Variants in PARD3 observed in about 807,000 individuals in gnomAD.
PARD3 encodes par-3 family cell polarity regulator, also known as partitioning defective 3 homolog.
A neutral mutation model predicts 155.4 loss-of-function variants in PARD3; 75 were observed. The observed-to-expected ratio is 0.48, with a 90% CI of 0.40 to 0.58. The LOEUF is 0.58. Ranked by LOEUF, PARD3 falls within the 20% of genes least tolerant of loss-of-function variation. The probability of loss-of-function intolerance (pLI) is 0.00; values close to 1 mark genes in which losing one functional copy is unlikely to be tolerated. For missense variants in PARD3, 1,642 were observed against 1,721.7 expected (o/e 0.95, Z 0.82); for synonymous variants, 576 against 610.5 (o/e 0.94, Z 0.83).
intron 7 of PARD3, 49 bp downstream of exon 7, chr10:34,399,281 T>A: frequency 8.8e-7 from 1 of 1,138,750 alleles, no homozygotes; most frequent in Non-Finnish European, 1.3e-6. Flanking sequence ...TAAATGAAGA[T>A]AAAACACTCT....
intron 2 of PARD3, among the ~76,000 whole-genome samples, chr10:34,650,255 T>C (rs920722730): frequency 6.6e-6 from 1 of 152,040 alleles, no homozygotes; most frequent in African/African-American, 2.4e-5. Flanking sequence ...GCACAGTAGG[T>C]TTCTTCACAG....
chr10:34,323,364 G>T (rs561698287), intron 19 of PARD3, among the ~76,000 whole-genome samples: 7 of 151,412 alleles, frequency 4.6e-5, no homozygotes, highest in Non-Finnish European at 7.4e-5. Flanking sequence ...CACAAAGCTG[G>T]CATGAAACAG....
intron 2 of PARD3, among the ~76,000 whole-genome samples, chr10:34,682,740 A>T (rs972065417): frequency 6.6e-6 from 1 of 152,090 alleles, no homozygotes; most frequent in Non-Finnish European, 1.5e-5. Context: ...AACAAACAAA[A>T]AGCCAGGCAT....
At chr10:34,539,220 T>C (rs1311701787) in intron 2 of PARD3, among the ~76,000 whole-genome samples, 3 of 152,218 alleles carry the variant, frequency 2.0e-5, no homozygotes, top group Admixed American at 1.3e-4. Context: ...AGGTAAAGTA[T>C]TGTGGTGCTC....
At chr10:34,813,260 C>T (rs1844430974) in intron 1 of PARD3, among the ~76,000 whole-genome samples, 1 of 152,222 alleles carries the variant, frequency 6.6e-6, no homozygotes, top group African/African-American at 2.4e-5. Flanking sequence ...TGACCACCCT[C>T]TTCCTATTCA....
At chr10:34,206,257 G>A (rs754486660) in intron 22 of PARD3, among the ~76,000 whole-genome samples, 1 of 152,182 alleles carries the variant, frequency 6.6e-6, no homozygotes, top group African/African-American at 2.4e-5. Flanking sequence ...GGGCTCTAGC[G>A]CCCCTAGCTA....
At chr10:34,205,583 G>T (rs1054382178) in intron 22 of PARD3, among the ~76,000 whole-genome samples, 60 of 152,262 alleles carry the variant, frequency 3.9e-4, no homozygotes, top group African/African-American at 1.4e-3. Context: ...CTTGAATTTT[G>T]AAAGAAGAAT....
chr10:34,520,593 GAC>G (rs2082084726), intron 2 of PARD3, among the ~76,000 whole-genome samples: 1 of 152,128 alleles, frequency 6.6e-6, no homozygotes, highest in East Asian at 1.9e-4. Context: ...AAAAGAATAA[GAC>G]AGTAAATATT....
chr10:34,426,848 G>T, intron 5 of PARD3: 1 of 152,360 alleles, frequency 6.6e-6, no homozygotes, highest in South Asian at 2.0e-4. Context: ...CATGGCAGAA[G>T]AACATAAATT....
chr10:34,219,561 T>C (rs1472117472), intron 22 of PARD3, among the ~76,000 whole-genome samples: 7 of 152,232 alleles, frequency 4.6e-5, no homozygotes, highest in Admixed American at 6.5e-5. Context: ...GGGCTGGTAA[T>C]GAGATCTGGG....
intron 22 of PARD3, among the ~76,000 whole-genome samples, chr10:34,247,410 G>A (rs1017005733): frequency 3.9e-5 from 6 of 152,128 alleles, no homozygotes; most frequent in African/African-American, 1.4e-4. Context: ...ACTGAGGCAG[G>A]AGAATTGCTT....
intron 7 of PARD3, among the ~76,000 whole-genome samples, chr10:34,393,540 A>G (rs1406532436): frequency 6.6e-6 from 1 of 151,696 alleles, no homozygotes; most frequent in Non-Finnish European, 1.5e-5. Flanking sequence ...ACTACTCTCC[A>G]GCCCGGGCAA....
At chr10:34,207,484 A>G (rs1205954532) in intron 22 of PARD3, among the ~76,000 whole-genome samples, 1 of 152,202 alleles carries the variant, frequency 6.6e-6, no homozygotes, top group Admixed American at 6.5e-5. Flanking sequence ...TGGTGGGAGT[A>G]GAACAACTGT....
At chr10:34,615,655 G>C (rs749000214) in intron 2 of PARD3, among the ~76,000 whole-genome samples, 34 of 152,272 alleles carry the variant, frequency 2.2e-4, no homozygotes, top group Non-Finnish European at 3.2e-4. Flanking sequence ...TGAAAAAAGT[G>C]AAGCGACAAC....
intron 2 of PARD3, among the ~76,000 whole-genome samples, chr10:34,578,381 T>C (rs1399067835): frequency 6.6e-6 from 1 of 152,200 alleles, no homozygotes; most frequent in Non-Finnish European, 1.5e-5. Context: ...TTTTCAAAAT[T>C]CACAAAATTG....
intron 1 of PARD3, among the ~76,000 whole-genome samples, chr10:34,783,604 CAAAAAAAAAAA>C (rs35411933): frequency 6.6e-5 from 5 of 76,248 alleles, no homozygotes; most frequent in Admixed American, 1.8e-4. Flanking sequence ...ACTCCGTCTT[CAAAAAAAAAAA>C]AAAAAAAAAA....
At chr10:34,636,574 T>A (rs2092483901) in intron 2 of PARD3, among the ~76,000 whole-genome samples, 1 of 152,190 alleles carries the variant, frequency 6.6e-6, no homozygotes, top group East Asian at 1.9e-4. Context: ...TGCACCTAAG[T>A]CACCTCACGA....
intron 23 of PARD3, among the ~76,000 whole-genome samples, chr10:34,124,450 T>C (rs925430050): frequency 2.6e-5 from 4 of 152,218 alleles, no homozygotes; most frequent in Non-Finnish European, 5.9e-5. Context: ...GTGTCAACTG[T>C]TGACTCTGTT....
chr10:34,793,594 C>A (rs964485151), intron 1 of PARD3, among the ~76,000 whole-genome samples: 3 of 152,216 alleles, frequency 2.0e-5, no homozygotes, highest in Middle Eastern at 3.4e-3. Context: ...TGAGACCAGC[C>A]TGACCAACAT....
Sources: allele counts gnomAD v4.1 joint callset (sites outside exome capture counted in the v4.1 genomes callset), GRCh38; gene constraint gnomAD v4.1.1; transcripts MANE v1.5; gene names NCBI Gene and HGNC (gene_info 2026-07-23, HGNC 2026-07-21).